Variants in MGST2 observed in about 807,000 individuals in gnomAD.
MGST2 encodes the protein microsomal glutathione S-transferase 2, also known as glutathione peroxidase MGST2.
A neutral mutation model predicts 16.6 loss-of-function variants in MGST2; 9 were observed. That is an observed-to-expected ratio of 0.54 (90% CI 0.33 to 0.95). MGST2 has a LOEUF of 0.95. Ranked by LOEUF, MGST2 falls within the 40% of genes least tolerant of loss-of-function variation. MGST2 has a pLI of 0.03. For synonymous variants in MGST2, 79 were observed against 68.0 expected, an observed-to-expected ratio of 1.16 and a Z score of -0.79; for missense variants, 159 against 175.1, an observed-to-expected ratio of 0.91 and a Z score of 0.52.
chr4:139,710,674 C>T (rs572695313), intron 5 of MGST2, among the ~76,000 whole-genome samples: 71 of 152,294 alleles, frequency 4.7e-4, no homozygotes, highest in African/African-American at 1.4e-3. Context: ...CTGTCTGGAA[C>T]CATAGCCCAC....
At chr4:139,719,667 C>A in intron 5 of MGST2, 1 of 1,613,178 alleles carries the variant, frequency 6.2e-7, no homozygotes, top group Admixed American at 1.7e-5. Flanking sequence ...CGACCCATGG[C>A]AGCTGGGTTG....
the MGST2 span, among the ~76,000 whole-genome samples, chr4:139,752,443 TG>T: frequency 6.6e-6 from 1 of 152,144 alleles, no homozygotes; most frequent in African/African-American, 2.4e-5. Context: ...GGACCTAGCC[TG>T]GCTCTCTCTG....
intron 2 of MGST2, among the ~76,000 whole-genome samples, chr4:139,685,827 C>A (rs1341815148): frequency 6.6e-6 from 1 of 152,160 alleles, no homozygotes; most frequent in Non-Finnish European, 1.5e-5. Flanking sequence ...CCACACCCGG[C>A]TAATTTTTGT....
At chr4:139,677,568 C>T (rs777995766) in intron 1 of MGST2, among the ~76,000 whole-genome samples, 1 of 150,552 alleles carries the variant, frequency 6.6e-6, no homozygotes, top group South Asian at 2.1e-4. Flanking sequence ...ATGGCATGAT[C>T]TCGGCTCACT....
At chr4:139,689,614 G>C (rs1210154108) in intron 2 of MGST2, among the ~76,000 whole-genome samples, 1 of 152,120 alleles carries the variant, frequency 6.6e-6, no homozygotes, top group Admixed American at 6.5e-5. Context: ...ACAGCCCACT[G>C]GTTCAGGATG....
chr4:139,744,613 CTT>C (rs1475897530), downstream of MGST2, among the ~76,000 whole-genome samples: 2 of 152,136 alleles, frequency 1.3e-5, no homozygotes, highest in East Asian at 3.8e-4. Flanking sequence ...TTTTGAAAAA[CTT>C]TTATTGCTCA....
Position 139,704,170 on chromosome 4 carries a change from C to T in MGST2, c.*22C>T, listed in dbSNP as rs1280039861. 6.2e-7 allele frequency: 1 copy of T among 1,612,720 alleles called. No homozygotes were observed. The highest frequency in any genetic ancestry group is 8.5e-7 in the Non-Finnish European group (1 of 1,178,718). ...CTAACTTTTTCTCTTCCCTTTAATA[C>T]TTGCAGAAGCTGTTCCCACCATGAA... On this transcript the variant is annotated 3_prime_UTR_variant, in exon 5 of 5. Coordinates refer to ENST00000265498, the MANE Select transcript of MGST2 (RefSeq NM_002413.5).
At chr4:139,675,190 C>T (rs1302674536) in intron 1 of MGST2, among the ~76,000 whole-genome samples, 4 of 152,194 alleles carry the variant, frequency 2.6e-5, no homozygotes, top group African/African-American at 9.7e-5. Flanking sequence ...TCTCGCTTAG[C>T]GGGACTGAAG....
At chr4:139,687,525 A>G (rs1731631914) in intron 2 of MGST2, 1 of 152,260 alleles carries the variant, frequency 6.6e-6, no homozygotes, top group Admixed American at 6.5e-5. Flanking sequence ...CCTGGACCAG[A>G]AGCACTGGTT....
chr4:139,691,670 G>GATTATTATT (rs1560747673), intron 2 of MGST2, among the ~76,000 whole-genome samples: 1 of 119,930 alleles, frequency 8.3e-6, no homozygotes, highest in African/African-American at 4.2e-5. Context: ...GCAGTCAGAT[G>GATTATTATT]ATGATGATGA....
intron 3 of MGST2, chr4:139,698,042 C>G (rs184678026): frequency 5.8e-6 from 4 of 686,502 alleles, no homozygotes; most frequent in Non-Finnish European, 9.7e-6. Context: ...TACCTTTTGA[C>G]CCCATGGAAA....
At chr4:139,754,228 G>A in the MGST2 span, among the ~76,000 whole-genome samples, 2 of 152,170 alleles carry the variant, frequency 1.3e-5, no homozygotes, top group African/African-American at 4.8e-5. Flanking sequence ...GTTTTTAAAT[G>A]TAAAAAATCA....
chr4:139,743,912 A>C (rs1729237941), downstream of MGST2, among the ~76,000 whole-genome samples: 1 of 152,214 alleles, frequency 6.6e-6, no homozygotes, highest in Non-Finnish European at 1.5e-5. Flanking sequence ...CCTCATGTAC[A>C]TTCATGTACA....
intron 1 of MGST2, among the ~76,000 whole-genome samples, chr4:139,673,347 C>A (rs1350084694): frequency 6.6e-6 from 1 of 152,184 alleles, no homozygotes; most frequent in Non-Finnish European, 1.5e-5. Flanking sequence ...GCAAGGAGAA[C>A]TGGGCAGCTA....
intron 1 of MGST2, among the ~76,000 whole-genome samples, chr4:139,667,177 A>G (rs987620354): frequency 6.6e-6 from 1 of 152,184 alleles, no homozygotes; most frequent in Non-Finnish European, 1.5e-5. Context: ...GTGGTAGAAG[A>G]AGATTTATGG....
intron 5 of MGST2, chr4:139,717,168 C>A (rs1017562964): frequency 6.6e-5 from 10 of 152,390 alleles, no homozygotes; most frequent in African/African-American, 2.4e-4. Context: ...AAAAACAAAA[C>A]CAAAACAAAA....
At chr4:139,721,414 T>A (rs887220798) in intron 5 of MGST2, among the ~76,000 whole-genome samples, 5 of 152,230 alleles carry the variant, frequency 3.3e-5, no homozygotes, top group African/African-American at 1.2e-4. Flanking sequence ...ATAGTTTTTT[T>A]CCTGGACATT....
chr4:139,684,910 G>A (rs1560743022), intron 2 of MGST2, among the ~76,000 whole-genome samples: 1 of 152,180 alleles, frequency 6.6e-6, no homozygotes, highest in Admixed American at 6.5e-5. Context: ...ATGGGGAGCA[G>A]GCTGGGGCTC....
intron 3 of MGST2, among the ~76,000 whole-genome samples, chr4:139,700,170 T>G (rs1224457615): frequency 2.1e-5 from 3 of 139,964 alleles, no homozygotes; most frequent in Non-Finnish European, 4.5e-5. Context: ...CTCGCTTTGT[T>G]GCCCAGGCTG....
Sources: gnomAD v4.1 joint callset for allele counts (sites outside exome capture counted in the v4.1 genomes callset) on GRCh38, gnomAD v4.1.1 for gene constraint, MANE v1.5 for transcripts, NCBI Gene and HGNC (gene_info 2026-07-23, HGNC 2026-07-21) for gene names.